Variants in USP31 observed in about 807,000 individuals in gnomAD.
USP31 encodes the protein ubiquitin specific peptidase 31.
In USP31, 44 loss-of-function variants were observed where a neutral mutation model predicts 119.4. The observed-to-expected ratio is 0.37, with a 90% CI of 0.29 to 0.47. The LOEUF (loss-of-function observed/expected upper bound fraction) is 0.47, where lower values mean the gene tolerates loss of function less well. Among genes scored for constraint, USP31 ranks in the 20% least tolerant of loss-of-function variants. The pLI, the probability that USP31 is intolerant of heterozygous loss-of-function variation, is 0.99. For synonymous variants in USP31, 749 were observed against 705.6 expected (o/e 1.06, Z -0.97); for missense variants, 1,643 against 1,730.2 (o/e 0.95, Z 0.89).
chr16:23,102,081 A>G (rs1901898721), intron 6 of USP31, among the ~76,000 whole-genome samples: 1 of 152,004 alleles, frequency 6.6e-6, no homozygotes, highest in Non-Finnish European at 1.5e-5. Flanking sequence ...CTAAATCTCA[A>G]TAAGAGGTTT....
intron 1 of USP31, among the ~76,000 whole-genome samples, chr16:23,121,428 C>A (rs1313470311): frequency 6.6e-6 from 1 of 152,214 alleles, no homozygotes; most frequent in Non-Finnish European, 1.5e-5. Flanking sequence ...TAGCAAAGTA[C>A]AATTTAGAAC....
intron 15 of USP31, among the ~76,000 whole-genome samples, chr16:23,070,376 T>C (rs1900294282): frequency 6.6e-6 from 1 of 152,146 alleles, no homozygotes; most frequent in Non-Finnish European, 1.5e-5. Flanking sequence ...GACTTGGATA[T>C]CATATACTCC....
chr16:23,105,414 T>C, intron 5 of USP31, 27 bp downstream of exon 5: 1 of 1,556,258 alleles, frequency 6.4e-7, no homozygotes. Context: ...GTGGCTCATG[T>C]GTAACTGGTC....
chr16:23,072,607 C>T (rs62030992), intron 14 of USP31: 14,063 of 470,558 alleles, frequency 0.03, 263 homozygotes, highest in Non-Finnish European at 0.038. Context: ...AGAGAGGATG[C>T]GGCAGTATAC....
intron 1 of USP31, among the ~76,000 whole-genome samples, chr16:23,114,289 TTTG>T (rs1030263400): frequency 6.9e-6 from 1 of 145,198 alleles, no homozygotes; most frequent in Non-Finnish European, 1.5e-5. Context: ...TTGAGTTTAT[TTTG>T]TAAAGAAAGT....
At position 23,069,007 on chromosome 16, in the gene USP31, G is replaced by A. The variant is rs370094103; in HGVS notation, c.3098C>T (p.Ser1033Phe). 1.5e-5 allele frequency: 24 copies of A among 1,613,868 alleles called. No individual in the cohort carries two copies. The South Asian group carries it at 2.4e-4, about 16-fold the overall frequency. The change falls in exon 16 of 16, where the codon TCT becomes TTT. Residue 1033 changes from serine to phenylalanine, a missense_variant. This residue lies in a region of USP31 where 699 missense variants were observed against 650.9 expected (regional missense o/e 1.07). Transcript: ENST00000219689. ...CTTCCGCAAGCTTTTCTCTGGCTCA[G>A]AAGTGCCTTTGGAACTGGGGGATCT... ...TKRSPSSKGTSEPEKSLRKGR... is the reference protein window; with the variant it reads ...TKRSPSSKGTFEPEKSLRKGR...
At position 23,083,705 on chromosome 16, in the gene USP31, G is replaced by C. The variant is rs1391563493; in HGVS notation, c.1831-1148C>G. Among the ~76,000 whole-genome samples, 23 of 113,954 alleles carry C rather than the reference G, an allele frequency of 2.0e-4. 1 individual carries two copies. The highest frequency in any genetic ancestry group is 4.9e-4 in the African/African-American group (16 of 32,478). 74.8% of individuals were successfully genotyped at this position (113,954 alleles called of 152,430 possible). ...TGAGTGCAAACCTGGCGGGGGGGGG[G>C]GGGGGGAAGGGGTGAAAAAAAAAAC... On this transcript the variant is annotated intron_variant, in intron 11 of 15. Transcript: ENST00000219689.
intron 1 of USP31, among the ~76,000 whole-genome samples, chr16:23,139,130 C>T (rs1903276660): frequency 6.6e-6 from 1 of 152,160 alleles, no homozygotes; most frequent in Non-Finnish European, 1.5e-5. Context: ...AGGCTAGGCA[C>T]GGTGGCTCAC....
chr16:23,084,982 C>A lies in USP31; in HGVS notation c.1708G>T (p.Val570Leu). The A allele has an allele frequency of 6.2e-7, 1 of 1,613,082 alleles. No individual in the cohort carries two copies. Among genetic ancestry groups the A allele is most frequent in the South Asian group, 1.1e-5 (1 of 91,002 alleles). The part of the protein sequence containing the change: ...WDKETRDFLF[V>L]NTEDEYIPDA... ...GGAATATACTCATCCTCAGTATTTA[C>A]AAATAAGCTGCAATTAGGGGGAAAA... Residue 570 changes from valine (V) to leucine (L), a missense_variant, in exon 11 of 16, where the codon GTA (valine) becomes TTA (leucine). Physicochemically the swap from Val to Leu is conservative, Grantham distance 32 (BLOSUM62 1). Around this residue, in one of 5 missense-constraint regions of USP31, gnomAD observed 279 missense variants for 372.2 expected, o/e 0.75. Transcript: ENST00000219689.
At chr16:23,111,548 A>C (rs912811035) in intron 1 of USP31, among the ~76,000 whole-genome samples, 1 of 152,226 alleles carries the variant, frequency 6.6e-6, no homozygotes, top group African/African-American at 2.4e-5. Context: ...ACAACTGAAA[A>C]ATACAGATCT....
chr16:23,068,418 G>A lies in USP31; in HGVS notation c.3687C>T (p.Phe1229=), dbSNP rs116335478. Residue 1229 remains phenylalanine (F), a synonymous_variant, in exon 16 of 16, where the codon TTC becomes TTT. Coordinates refer to ENST00000219689, the MANE Select transcript of USP31 (RefSeq NM_020718.4). ...TTTCCTTCTGTCTCAAGGCTGATTT[G>A]AAGAAGGACAGCCCCTTGTCCTCAG... ...SKSEDKGLSF[F]KSALRQKETR... The A allele has an allele frequency of 5.6e-5, 91 of 1,613,706 alleles. No individual in the cohort carries two copies. The African/African-American group carries it at 1.0e-3, about 18-fold the overall frequency.
At chr16:23,108,259 A>G in intron 1 of USP31, 76 bp from the exon 2 acceptor site, 1 of 1,514,166 alleles carries the variant, frequency 6.6e-7, no homozygotes, top group South Asian at 1.3e-5. Flanking sequence ...TCATAATCGC[A>G]AAAGGGATGC....
In USP31 at chr16:23,114,458, A is replaced by G. The variant is rs577886739; in HGVS notation, c.634-6275T>C. On this transcript the variant is annotated intron_variant, in intron 1 of 15. Transcript: ENST00000219689. ...CCCAATGGGGAAAAAATAGGAAAAA[A>G]AAAAAAAAAAAGAAAGTTTCAACAT... Among the ~76,000 whole-genome samples, 347 of 152,014 alleles carry G rather than the reference A, an allele frequency of 2.3e-3. 3 individuals carry two copies. Among genetic ancestry groups the G allele is most frequent in the African/African-American group, 7.8e-3 (321 of 41,338 alleles).
chr16:23,143,175 A>G (rs1263248976), intron 1 of USP31, among the ~76,000 whole-genome samples: 1 of 152,214 alleles, frequency 6.6e-6, no homozygotes, highest in Non-Finnish European at 1.5e-5. Context: ...TTCATCAATT[A>G]CCATTTGTTT....
intron 1 of USP31, among the ~76,000 whole-genome samples, chr16:23,119,943 A>C (rs1302161145): frequency 2.0e-5 from 3 of 152,190 alleles, no homozygotes; most frequent in Non-Finnish European, 4.4e-5. Context: ...GTGGAGATTA[A>C]TTCCACCAAT....
intron 1 of USP31, among the ~76,000 whole-genome samples, chr16:23,113,228 G>A (rs1223985098): frequency 1.3e-5 from 2 of 152,106 alleles, no homozygotes; most frequent in Non-Finnish European, 2.9e-5. Flanking sequence ...CCACAGTTTT[G>A]AACAAGTTGC....
rs1003392644 is a variant in USP31, at chr16:23,067,911, A to ACT, written c.*133_*134dup. ...TTGAATTAGACACACACACGCATACACTCACACACACACACACAGTCGGGC... is the reference window on the plus strand; with the variant it reads ...TTGAATTAGACACACACACGCATACACTCTCACACACACACACACAGTCGGGC... On this transcript the variant is annotated 3_prime_UTR_variant, in exon 16 of 16. Coordinates refer to ENST00000219689, the MANE Select transcript of USP31 (RefSeq NM_020718.4). 5 of 1,047,264 alleles carry ACT rather than the reference A, an allele frequency of 4.8e-6. No homozygotes were observed. In the Admixed American group the frequency reaches 8.7e-5, roughly 18 times the overall value. 64.9% of individuals were successfully genotyped at this position (1,047,264 alleles called of 1,614,324 possible). A position where few individuals can be genotyped will look rare whatever the true frequency, so the allele number is the denominator to read the frequency against.
intron 1 of USP31, among the ~76,000 whole-genome samples, chr16:23,140,419 C>A (rs1461252399): frequency 1.3e-5 from 2 of 152,092 alleles, no homozygotes; most frequent in African/African-American, 2.4e-5. Context: ...GCCAGGACAG[C>A]CCCCAACAAC....
intron 14 of USP31, 86 bp downstream of exon 14, chr16:23,073,636 T>C: frequency 2.7e-6 from 4 of 1,471,470 alleles, no homozygotes; most frequent in African/African-American, 1.4e-5. Flanking sequence ...GACAGAGTCA[T>C]GAGAGCCTCC....
Sources: allele counts gnomAD v4.1 joint callset (sites outside exome capture counted in the v4.1 genomes callset), GRCh38; gene constraint gnomAD v4.1.1; regional missense constraint gnomAD v4.1.1; transcripts MANE v1.5; gene names NCBI Gene and HGNC (gene_info 2026-07-23, HGNC 2026-07-21).